EXTL1: variants seen among roughly 807,000 people sequenced by gnomAD.
EXTL1 encodes the protein exostosin like glycosyltransferase 1, also known as exostosin-like 1.
Under a neutral mutation model 64.6 loss-of-function variants are expected in EXTL1, and 43 were observed. That is an observed-to-expected ratio of 0.67 (90% CI 0.52 to 0.86). The LOEUF (loss-of-function observed/expected upper bound fraction) is 0.86. Among genes scored for constraint, EXTL1 ranks in the 40% least tolerant of loss-of-function variants. The pLI is 0.00. For missense variants in EXTL1, 766 were observed against 879.0 expected, an observed-to-expected ratio of 0.87 and a Z score of 1.62; for synonymous variants, 352 against 360.5, an observed-to-expected ratio of 0.98 and a Z score of 0.27.
At position 26,031,465 on chromosome 1, in the gene EXTL1, C is replaced by T. The variant is rs779205520; in HGVS notation, c.1240C>T (p.Arg414Cys). The stretch of plus-strand genomic sequence containing the variant: ...CCTGTGTCTCATTCCCCCAGGCTCC[C>T]GCCCTGAGGGCAGATTCAGCGCCCT... ...FPFYYLQQGS[R>C]PEGRFSALIW... Residue 414 changes from arginine (R) to cysteine (C), a missense_variant, in exon 6 of 11, where the codon CGC becomes TGC. Transcript: ENST00000374280. 16 of 1,565,674 alleles carry T rather than the reference C, an allele frequency of 1.0e-5. No homozygotes were observed. Among genetic ancestry groups the T allele is most frequent in the African/African-American group, 5.4e-5 (4 of 73,738 alleles).
chr1:26,024,929 A>G (rs1557550131), intron 1 of EXTL1, among the ~76,000 whole-genome samples: 1 of 152,256 alleles, frequency 6.6e-6, no homozygotes, highest in Non-Finnish European at 1.5e-5. Context: ...CACAGCAGGT[A>G]GGTGCTCATT....
In EXTL1 at chr1:26,023,307, C is replaced by T. The variant is rs1354532331; in HGVS notation, c.661C>T (p.Gln221Ter). The T allele has an allele frequency of 2.6e-6, 4 of 1,562,000 alleles. No individual in the cohort carries two copies. The highest frequency in any genetic ancestry group is 3.5e-6 in the Non-Finnish European group (4 of 1,150,642). Residue 221 changes from glutamine to a stop codon, truncating the protein, a stop_gained, in exon 1 of 11, where the codon CAG (glutamine) becomes TAG (stop). Transcript: ENST00000374280. LOFTEE classifies it high-confidence loss of function. ...TGGCCAGCTGCGGCAACACAGCCCC[C>T]AGCCCGGGGTAGCCCTGCTAGCCCT... ...APGQLRQHSP[Q>*]PGVALLALEE...
rs1403567027 is a variant in EXTL1, at chr1:26,035,498, AG to A, written c.*157del. On this transcript the variant is annotated 3_prime_UTR_variant, in exon 11 of 11. Coordinates refer to ENST00000374280, the MANE Select transcript of EXTL1 (RefSeq NM_004455.3). The surrounding 1 kb of genome is among the most constrained non-coding windows in gnomAD (Gnocchi z 5.3). ...CGGACCCCGGTTGGCCAATCACAAC[AG>A]GGGGGCGTGGCCTTACCTTCTCCTG... 6.2e-6 allele frequency: 4 copies of A among 641,078 alleles called. No individual in the cohort carries two copies. The highest frequency in any genetic ancestry group is 2.5e-5 in the South Asian group (1 of 40,558). 39.7% of individuals were successfully genotyped at this position (641,078 alleles called of 1,614,324 possible). A position where few individuals can be genotyped will look rare whatever the true frequency, so the allele number is the denominator to read the frequency against.
At position 26,033,895 on chromosome 1, in the gene EXTL1, A is replaced by G. The variant is rs766643340; in HGVS notation, c.1679+39A>G. On this transcript the variant is annotated intron_variant, in intron 9 of 10. Transcript: ENST00000374280. The surrounding 1 kb of genome is among the most constrained non-coding windows in gnomAD (Gnocchi z 5.1). ...CCCTGCACAGGGATCAGAGTATCAGAGGACCAGAGACCCCACCCCCACCCC... is the reference window on the plus strand; with the variant it reads ...CCCTGCACAGGGATCAGAGTATCAGGGGACCAGAGACCCCACCCCCACCCC... The G allele has an allele frequency of 1.3e-6, 2 of 1,570,508 alleles. No homozygotes were observed. Among genetic ancestry groups the G allele is most frequent in the Non-Finnish European group, 1.7e-6 (2 of 1,154,906 alleles).
intron 1 of EXTL1, among the ~76,000 whole-genome samples, chr1:26,027,661 C>A (rs1025733234): frequency 7.0e-6 from 1 of 143,638 alleles, no homozygotes; most frequent in Non-Finnish European, 1.5e-5. Context: ...TTTGAGACAG[C>A]CTGGGCAACA....
intron 6 of EXTL1, 33 bp from the exon 7 acceptor site, chr1:26,032,363 C>G: frequency 6.7e-7 from 1 of 1,490,744 alleles, no homozygotes; most frequent in Non-Finnish European, 9.2e-7. Flanking sequence ...TGCCCCAGAT[C>G]CCAGACTTCA....
At position 26,026,568 on chromosome 1, in the gene EXTL1, A is replaced by G. The variant is rs549823551; in HGVS notation, c.780-2625A>G. 3.9e-5 allele frequency among the ~76,000 whole-genome samples: 6 copies of G among 152,354 alleles called. No homozygotes were observed. In the East Asian group the frequency reaches 7.7e-4, roughly 20 times the overall value. The stretch of plus-strand genomic sequence containing the variant: ...CTCGGCCTCCCAAAGTGCTGAGATT[A>G]CAGGCATGAGCCACGGCGCCCAGCA... On this transcript the variant is annotated intron_variant, in intron 1 of 10. Transcript: ENST00000374280.
At position 26,034,709 on chromosome 1, in the gene EXTL1, C is replaced by G; in HGVS notation, c.1680-127C>G. 3 of 931,072 alleles carry G rather than the reference C, an allele frequency of 3.2e-6. No homozygotes were observed. The South Asian group carries it at 4.7e-5, about 15-fold the overall frequency. 57.7% of individuals were successfully genotyped at this position (931,072 alleles called of 1,614,324 possible). The stretch of plus-strand genomic sequence containing the variant: ...TGTTCACGCCAGGGATGGGAGCTCT[C>G]TGAGGCAGCCAGGGCTCAGAGGCTT... On this transcript the variant is annotated intron_variant, in intron 9 of 10. Transcript: ENST00000374280. The surrounding 1 kb of genome is among the most constrained non-coding windows in gnomAD (Gnocchi z 4.6).
chr1:26,022,338 G>A lies in EXTL1; in HGVS notation c.-309G>A, dbSNP rs2050158959. On this transcript the variant is annotated 5_prime_UTR_variant, in exon 1 of 11. Transcript: ENST00000374280. ...GCGTCAGCCAGAGCAGTGCCCAGGG[G>A]CAGGGGTCCCTGCTGGGAGGGAAAA... The A allele has an allele frequency of 2.9e-6, 1 of 341,698 alleles. No individual in the cohort carries two copies. The allele number at this position is 341,698 out of a possible 1,614,324, so 21.2% of individuals were successfully genotyped here.
chr1:26,027,817 G>A (rs1377805939), intron 1 of EXTL1, among the ~76,000 whole-genome samples: 3 of 152,126 alleles, frequency 2.0e-5, no homozygotes, highest in East Asian at 1.9e-4. Flanking sequence ...CTGCACTCCA[G>A]GCTGGGTGAC....
rs2050162645 is a variant in EXTL1 at position 26,022,589 on chromosome 1, C to T, written c.-58C>T. The T allele has an allele frequency of 1.4e-6, 2 of 1,463,856 alleles. No homozygotes were observed. The allele number at this position is 1,463,856 out of a possible 1,614,324, so 90.7% of individuals were successfully genotyped here. ...CTGGTCTCCCGCCCCAGGCCCTGCTCTTCCTGCTTGCTGGCAGAGGCCTCC... is the reference window on the plus strand; with the variant it reads ...CTGGTCTCCCGCCCCAGGCCCTGCTTTTCCTGCTTGCTGGCAGAGGCCTCC... On this transcript the variant is annotated 5_prime_UTR_variant, in exon 1 of 11. Coordinates refer to ENST00000374280, the MANE Select transcript of EXTL1 (RefSeq NM_004455.3).
chr1:26,022,981 G>C lies in EXTL1; in HGVS notation c.335G>C (p.Arg112Pro), dbSNP rs765693022. ...PAVGTISETH[R>P]RILASIEGSR... ...GTTGGAACCATCTCTGAGACTCATC[G>C]CAGGATCCTGGCTTCCATTGAGGGC... Residue 112 changes from arginine to proline, a missense_variant, in exon 1 of 11, where the codon CGC becomes CCC. Coordinates refer to ENST00000374280, the MANE Select transcript of EXTL1 (RefSeq NM_004455.3). 6.2e-7 allele frequency: 1 copy of C among 1,614,014 alleles called. No individual in the cohort carries two copies. The highest frequency in any genetic ancestry group is 1.1e-5 in the South Asian group (1 of 91,092).
chr1:26,031,910 GCATTTTC>G (rs2050291308), intron 6 of EXTL1, among the ~76,000 whole-genome samples: 1 of 152,220 alleles, frequency 6.6e-6, no homozygotes, highest in African/African-American at 2.4e-5. Flanking sequence ...GACTGGGTTA[GCATTTTC>G]CAGCACACAG....
intron 1 of EXTL1, among the ~76,000 whole-genome samples, 172 bp downstream of exon 1, chr1:26,023,597 CA>C (rs1365469633): frequency 6.6e-6 from 1 of 152,178 alleles, no homozygotes; most frequent in Non-Finnish European, 1.5e-5. Flanking sequence ...AGAGCACTTC[CA>C]TTAAGATGGG....
chr1:26,033,344 T>C lies in EXTL1; in HGVS notation c.1518+29T>C. On this transcript the variant is annotated intron_variant, in intron 8 of 10. Coordinates refer to ENST00000374280, the MANE Select transcript of EXTL1 (RefSeq NM_004455.3). This position sits in a 1 kb window ranked among gnomAD's most constrained non-coding sequence, Gnocchi z 5.1. Reference sequence around the variant, plus strand: ...AGGGCTGGGCCCAAGAGAAGCCCAGTGTGGGTAGACACAGAGCCAGAGGGC... The same window carrying C: ...AGGGCTGGGCCCAAGAGAAGCCCAGCGTGGGTAGACACAGAGCCAGAGGGC... 4 of 1,591,218 alleles carry C rather than the reference T, an allele frequency of 2.5e-6. No individual in the cohort carries two copies. The highest frequency in any genetic ancestry group is 1.1e-5 in the South Asian group (1 of 90,674).
At chr1:26,028,571 C>T (rs1393898449) in intron 1 of EXTL1, among the ~76,000 whole-genome samples, 1 of 152,184 alleles carries the variant, frequency 6.6e-6, no homozygotes, top group Non-Finnish European at 1.5e-5. Flanking sequence ...CCCTCCCCCA[C>T]AGGCACACAC....
chr1:26,026,823 A>T (rs1348272082), intron 1 of EXTL1, among the ~76,000 whole-genome samples: 1 of 152,188 alleles, frequency 6.6e-6, no homozygotes, highest in Non-Finnish European at 1.5e-5. Flanking sequence ...CAGGTACCTT[A>T]CATGGTCACA....
intron 1 of EXTL1, among the ~76,000 whole-genome samples, chr1:26,024,215 C>T (rs1246157474): frequency 6.6e-6 from 1 of 152,118 alleles, no homozygotes; most frequent in African/African-American, 2.4e-5. Flanking sequence ...ATAGTTATCC[C>T]CTAAGCACTC....
chr1:26,028,930 G>A (rs2124406895), intron 1 of EXTL1, among the ~76,000 whole-genome samples: 1 of 152,344 alleles, frequency 6.6e-6, no homozygotes, highest in East Asian at 1.9e-4. Flanking sequence ...CAAGGGAGGT[G>A]TCTAAGGCCA....
Sources: gnomAD v4.1 joint callset for allele counts (sites outside exome capture counted in the v4.1 genomes callset) on GRCh38, gnomAD v4.1.1 for gene constraint, Gnocchi (gnomAD v3.1) non-coding constraint, MANE v1.5 for transcripts, NCBI Gene and HGNC (gene_info 2026-07-23, HGNC 2026-07-21) for gene names.